Variants in TPO observed in about 807,000 individuals in gnomAD.
TPO encodes thyroid microsomal antigen.
Under a neutral mutation model 96.9 loss-of-function variants are expected in TPO, and 78 were observed. The ratio of observed to expected loss-of-function variants is 0.81; its 90% CI spans 0.67 to 0.97. TPO has a LOEUF of 0.97. Ranked by LOEUF, TPO falls within the 50% of genes least tolerant of loss-of-function variation. TPO has a pLI of 0.00. For missense variants in TPO, 1,252 were observed against 1,274.8 expected, an observed-to-expected ratio of 0.98 and a Z score of 0.27; for synonymous variants, 547 against 538.0, an observed-to-expected ratio of 1.02 and a Z score of -0.23.
intron 15 of TPO, among the ~76,000 whole-genome samples, chr2:1,539,901 G>C (rs1680524790): frequency 1.3e-5 from 2 of 152,090 alleles, no homozygotes; most frequent in African/African-American, 4.8e-5. Context: ...TAAAAACGCA[G>C]AATCAAGGGA....
At chr2:1,418,824 G>A (rs1663212774) in intron 2 of TPO, among the ~76,000 whole-genome samples, 1 of 152,242 alleles carries the variant, frequency 6.6e-6, no homozygotes, top group Admixed American at 6.5e-5. Flanking sequence ...GAGTGAATTT[G>A]TTTTAAAAGG....
chr2:1,477,803 T>A (rs898194239), intron 8 of TPO, 199 bp downstream of exon 8: 1 of 985,066 alleles, frequency 1.0e-6, no homozygotes, highest in Non-Finnish European at 1.2e-6. Context: ...GTGTGGAGGG[T>A]CATCGTGAGC....
chr2:1,408,778 G>A (rs945181197), upstream of TPO, among the ~76,000 whole-genome samples: 2 of 152,194 alleles, frequency 1.3e-5, no homozygotes, highest in Non-Finnish European at 2.9e-5. Flanking sequence ...AAGGACACGG[G>A]GAAATGCAAC....
intron 3 of TPO, among the ~76,000 whole-genome samples, chr2:1,429,349 G>A (rs1664753769): frequency 6.6e-6 from 1 of 152,172 alleles, no homozygotes; most frequent in African/African-American, 2.4e-5. Flanking sequence ...GAAGAACCGT[G>A]AGCCAATTAA....
intron 1 of TPO, among the ~76,000 whole-genome samples, chr2:1,387,172 A>C (rs910787334): frequency 6.6e-6 from 1 of 152,134 alleles, no homozygotes; most frequent in Non-Finnish European, 1.5e-5. Flanking sequence ...ACTTTGGTGA[A>C]TCTGACAATT....
At chr2:1,448,704 G>T (rs1168864107) in intron 5 of TPO, among the ~76,000 whole-genome samples, 2 of 152,180 alleles carry the variant, frequency 1.3e-5, no homozygotes, top group African/African-American at 2.4e-5. Flanking sequence ...CAGGTAAATG[G>T]CTGGAGATTG....
rs748976179 is a variant in TPO, at chr2:1,542,657, G to C, written c.*183G>C. ...ATAAATGTTATAGCTGCATTTGTCT[G>C]GCCTTTTCTTGTAAACATTGCCTGA... On this transcript the variant is annotated 3_prime_UTR_variant, in exon 17 of 17. Coordinates refer to ENST00000329066, the MANE Select transcript of TPO (RefSeq NM_001206744.2). 37 of 1,526,904 alleles carry C rather than the reference G, an allele frequency of 2.4e-5. No individual in the cohort carries two copies. Among genetic ancestry groups the C allele is most frequent in the Non-Finnish European group, 3.2e-5 (36 of 1,129,386 alleles). 94.6% of individuals were successfully genotyped at this position (1,526,904 alleles called of 1,614,324 possible). A position where few individuals can be genotyped will look rare whatever the true frequency, so the allele number is the denominator to read the frequency against.
At chr2:1,379,908 A>G (rs1472400251) in intron 1 of TPO, among the ~76,000 whole-genome samples, 2 of 152,190 alleles carry the variant, frequency 1.3e-5, no homozygotes, top group African/African-American at 4.8e-5. Context: ...CACATTTTCC[A>G]AGATCCAAGT....
intron 2 of TPO, among the ~76,000 whole-genome samples, chr2:1,422,385 C>CGCCTCTCCTGGACAGACTTCGTGCAGGT (rs1558264641): frequency 1.1e-4 from 12 of 110,592 alleles, no homozygotes; most frequent in South Asian, 2.9e-4. Flanking sequence ...CTCGTGCAGG[C>CGCCTCTCCTGGACAGACTTCGTGCAGGT]GCCGCGCTGG....
chr2:1,377,635 A>G (rs1661741410), intron 1 of TPO, among the ~76,000 whole-genome samples: 2 of 152,156 alleles, frequency 1.3e-5, no homozygotes, highest in Non-Finnish European at 2.9e-5. Flanking sequence ...TGTCCTCAGA[A>G]CCCACCAAAT....
Position 1,530,754 on chromosome 2 carries a change from T to G in TPO, c.2619-9840T>G, listed in dbSNP as rs1262006386. ...ACCTCCTCAAATCCCCCCCACTGTG[T>G]GCAACCTCCTCAAATCCCCCCATGG... On this transcript the variant is annotated intron_variant, in intron 15 of 16. Coordinates refer to ENST00000329066, the MANE Select transcript of TPO (RefSeq NM_001206744.2). 6.6e-5 allele frequency among the ~76,000 whole-genome samples: 5 copies of G among 75,806 alleles called. 2 individuals carry two copies. In the South Asian group the frequency reaches 3.0e-3, roughly 45 times the overall value. 49.7% of individuals were successfully genotyped at this position (75,806 alleles called of 152,430 possible). A position where few individuals can be genotyped will look rare whatever the true frequency, so the allele number is the denominator to read the frequency against.
chr2:1,494,369 C>G (rs988209382), intron 11 of TPO, among the ~76,000 whole-genome samples: 3 of 152,236 alleles, frequency 2.0e-5, no homozygotes, highest in Non-Finnish European at 4.4e-5. Context: ...TCCCTCACGT[C>G]CCATGACAAT....
intron 1 of TPO, among the ~76,000 whole-genome samples, chr2:1,389,082 A>G (rs985614696): frequency 2.0e-5 from 3 of 152,210 alleles, no homozygotes; most frequent in East Asian, 1.9e-4. Flanking sequence ...TGGGGGAAAA[A>G]CAACTGAATA....
chr2:1,425,921 G>A (rs558081367), intron 3 of TPO, among the ~76,000 whole-genome samples: 14 of 147,576 alleles, frequency 9.5e-5, no homozygotes, highest in African/African-American at 3.6e-4. Context: ...CTAGATGCCG[G>A]GATACAGAGG....
At chr2:1,531,426 T>C (rs375766514) in intron 15 of TPO, among the ~76,000 whole-genome samples, 47 of 11,422 alleles carry the variant, frequency 4.1e-3, no homozygotes, top group South Asian at 6.8e-3. Flanking sequence ...CCCAAATCCC[T>C]CCCACTGTGA....
intron 7 of TPO, among the ~76,000 whole-genome samples, chr2:1,464,014 A>T (rs1224453063): frequency 1.3e-5 from 2 of 152,164 alleles, no homozygotes; most frequent in Admixed American, 6.5e-5. Context: ...GTATACACTG[A>T]ACACAATTTG....
chr2:1,527,294 C>G (rs577968471), intron 15 of TPO, among the ~76,000 whole-genome samples: 22 of 138,492 alleles, frequency 1.6e-4, no homozygotes, highest in Non-Finnish European at 3.2e-4. Context: ...AATCCCCTCA[C>G]TGTGTAACCT....
chr2:1,472,679 A>G (rs575934343), intron 7 of TPO, among the ~76,000 whole-genome samples: 1 of 152,236 alleles, frequency 6.6e-6, no homozygotes, highest in South Asian at 2.1e-4. Flanking sequence ...CCAGGTTGGA[A>G]GGCAGCTTTA....
chr2:1,506,639 G>T (rs1263635788), intron 14 of TPO, among the ~76,000 whole-genome samples: 1 of 152,192 alleles, frequency 6.6e-6, no homozygotes, highest in African/African-American at 2.4e-5. Flanking sequence ...GGCCAGTGAT[G>T]GTGAGCATTT....
Sources: allele counts gnomAD v4.1 joint callset (sites outside exome capture counted in the v4.1 genomes callset), GRCh38; gene constraint gnomAD v4.1.1; transcripts MANE v1.5; gene names NCBI Gene and HGNC (gene_info 2026-07-23, HGNC 2026-07-21).